Variants in NMBR observed in about 807,000 individuals in gnomAD.
The protein encoded by NMBR is neuromedin-B receptor.
A neutral mutation model predicts 20.5 loss-of-function variants in NMBR; 16 were observed. The ratio of observed to expected loss-of-function variants is 0.78; its 90% CI spans 0.53 to 1.19. NMBR has a LOEUF of 1.19. Ranked by LOEUF, NMBR falls within the 50% of genes most tolerant of loss-of-function variation. The pLI is 0.00. For synonymous variants in NMBR, 212 were observed against 196.6 expected (o/e 1.08, Z -0.65); for missense variants, 582 against 499.1 (o/e 1.17, Z -1.58).
chr6:142,077,809 T>C (rs1776979352), intron 3 of NMBR, among the ~76,000 whole-genome samples: 1 of 152,264 alleles, frequency 6.6e-6, no homozygotes, highest in Non-Finnish European at 1.5e-5. Context: ...AGTTCTTTTC[T>C]AGCTGTACAC....
At chr6:142,103,045 C>T (rs1166164140) in intron 1 of NMBR, among the ~76,000 whole-genome samples, 1 of 152,092 alleles carries the variant, frequency 6.6e-6, no homozygotes, top group East Asian at 1.9e-4. Context: ...AATGGGTGTA[C>T]AGTTCCAAGA....
chr6:142,123,737 A>G (rs1777984677), intron 1 of NMBR, among the ~76,000 whole-genome samples: 1 of 151,904 alleles, frequency 6.6e-6, no homozygotes, highest in Admixed American at 6.6e-5. Flanking sequence ...ACAATAAACC[A>G]TTCAACTCTG....
intron 2 of NMBR, among the ~76,000 whole-genome samples, chr6:142,079,104 G>GAGAAAGAA (rs1554257065): frequency 3.4e-5 from 2 of 58,570 alleles, no homozygotes; most frequent in Non-Finnish European, 7.1e-5. Flanking sequence ...AAGAGAGAGA[G>GAGAAAGAA]AGAAAGAAAG....
intron 1 of NMBR, among the ~76,000 whole-genome samples, chr6:142,093,909 G>A (rs546403120): frequency 7.1e-4 from 108 of 151,870 alleles, no homozygotes; most frequent in African/African-American, 2.3e-3. Flanking sequence ...GCCAGTGATG[G>A]TGAGCATTTT....
In NMBR at chr6:142,078,915, A is replaced by G. The variant is rs1260584586; in HGVS notation, c.423-12T>C. 6.5e-7 allele frequency: 1 copy of G among 1,533,104 alleles called. No homozygotes were observed. Among genetic ancestry groups the G allele is most frequent in the Non-Finnish European group, 8.9e-7 (1 of 1,124,606 alleles). The allele number at this position is 1,533,104 out of a possible 1,614,324, so 95.0% of individuals were successfully genotyped here. A position where few individuals can be genotyped will look rare whatever the true frequency, so the allele number is the denominator to read the frequency against. On this transcript the variant is annotated splice_polypyrimidine_tract_variant and intron_variant, in intron 2 of 3. Transcript: ENST00000258042. ...CGATGGCTCTGTACCTGGGAAAATG[A>G]TACATCTCAAGTTATTCCAGAAAGA...
At chr6:142,077,965 T>C (rs6926279) in intron 3 of NMBR, among the ~76,000 whole-genome samples, 76,110 of 152,068 alleles carry the variant, frequency 0.5, 19,557 homozygotes, top group East Asian at 0.74. Flanking sequence ...TAAATGAGCG[T>C]ATTATCTTTG....
intron 1 of NMBR, among the ~76,000 whole-genome samples, chr6:142,090,168 A>T (rs1196859219): frequency 6.6e-6 from 1 of 152,194 alleles, no homozygotes. Context: ...TAAACTGATC[A>T]GAAATGGTGG....
At chr6:142,111,276 T>G (rs1213923736) in intron 1 of NMBR, among the ~76,000 whole-genome samples, 1 of 151,664 alleles carries the variant, frequency 6.6e-6, no homozygotes, top group Admixed American at 6.6e-5. Flanking sequence ...TCTTACACAC[T>G]GAAATCACTG....
intron 1 of NMBR, among the ~76,000 whole-genome samples, chr6:142,100,175 C>T (rs913060349): frequency 2.0e-5 from 3 of 152,196 alleles, no homozygotes; most frequent in African/African-American, 4.8e-5. Flanking sequence ...ATTAAACATA[C>T]TCTTACTATG....
intron 1 of NMBR, among the ~76,000 whole-genome samples, chr6:142,135,762 T>G (rs928732957): frequency 2.0e-5 from 3 of 151,858 alleles, no homozygotes; most frequent in Non-Finnish European, 2.9e-5. Context: ...TTTTTGTCCT[T>G]GCGATAGTTT....
At chr6:142,139,464 C>T (rs987792922) in intron 1 of NMBR, among the ~76,000 whole-genome samples, 8 of 152,120 alleles carry the variant, frequency 5.3e-5, no homozygotes, top group Non-Finnish European at 1.2e-4. Flanking sequence ...GTTGCACTGC[C>T]ATCAGGACTC....
intron 1 of NMBR, among the ~76,000 whole-genome samples, chr6:142,137,788 G>A (rs1778287467): frequency 6.6e-6 from 1 of 152,036 alleles, no homozygotes; most frequent in African/African-American, 2.4e-5. Flanking sequence ...TTTATATGCT[G>A]GATTACATTT....
chr6:142,095,928 G>T (rs1480211004), intron 1 of NMBR, among the ~76,000 whole-genome samples: 5 of 152,150 alleles, frequency 3.3e-5, no homozygotes, highest in African/African-American at 9.7e-5. Context: ...AGATTTTCTA[G>T]TTTATTTGCA....
intron 1 of NMBR, among the ~76,000 whole-genome samples, chr6:142,099,882 A>T (rs1181330751): frequency 6.6e-6 from 1 of 152,186 alleles, no homozygotes; most frequent in African/African-American, 2.4e-5. Flanking sequence ...AAAAATAAAA[A>T]ATCCAATGAA....
At position 142,088,401 on chromosome 6, in the gene NMBR, C is replaced by G; in HGVS notation, c.258G>C (p.Ala86=). The G allele has an allele frequency of 6.2e-7, 1 of 1,614,064 alleles. No individual in the cohort carries two copies. ...TGAGCAGCAGCAGCAAGTCCCCGGC[C>G]GCCAGGTTAGAGATGAAGATGTTGG... ...SVPNIFISNL[A]AGDLLLLLTC... is the part of the protein sequence containing the mutation. Residue 86 remains alanine (A), a synonymous_variant, in exon 2 of 4, where the codon GCG becomes GCC. Coordinates refer to ENST00000258042, the MANE Select transcript of NMBR (RefSeq NM_002511.4).
chr6:142,116,135 C>T (rs917431035), intron 1 of NMBR, among the ~76,000 whole-genome samples: 4 of 151,818 alleles, frequency 2.6e-5, no homozygotes, highest in Admixed American at 1.3e-4. Flanking sequence ...GTGAGGCTTC[C>T]CCAGCCATTT....
chr6:142,079,111 A>AGAGAGAGAGC (rs752203124), intron 2 of NMBR, among the ~76,000 whole-genome samples: 1 of 79,658 alleles, frequency 1.3e-5, no homozygotes, highest in Non-Finnish European at 2.1e-5. Flanking sequence ...AGAGAGAAAG[A>AGAGAGAGAGC]AAGAAAGAAA....
intron 1 of NMBR, among the ~76,000 whole-genome samples, chr6:142,135,533 T>C (rs1778237118): frequency 6.6e-6 from 1 of 151,934 alleles, no homozygotes; most frequent in Non-Finnish European, 1.5e-5. Context: ...TTAGGGTACA[T>C]GTGCACAATG....
At chr6:142,090,685 G>A (rs536275215) in intron 1 of NMBR, among the ~76,000 whole-genome samples, 26 of 151,420 alleles carry the variant, frequency 1.7e-4, no homozygotes, top group South Asian at 1.2e-3. Flanking sequence ...GTTGAGAAAT[G>A]TCTCTAGGAA....
Sources: allele counts gnomAD v4.1 joint callset (sites outside exome capture counted in the v4.1 genomes callset), GRCh38; gene constraint gnomAD v4.1.1; transcripts MANE v1.5; gene names NCBI Gene and HGNC (gene_info 2026-07-23, HGNC 2026-07-21).